CORO7: variants seen among roughly 807,000 people sequenced by gnomAD.
CORO7 encodes the protein coronin-7.
CORO7 carries 107 observed loss-of-function variants against 126.6 expected under a neutral mutation model. That is an observed-to-expected ratio of 0.85 (90% CI 0.72 to 0.99). The LOEUF is 0.99. Ranked by LOEUF, CORO7 falls within the 50% of genes least tolerant of loss-of-function variation. The probability of loss-of-function intolerance (pLI) is 0.00; values close to 1 mark genes in which losing one functional copy is unlikely to be tolerated. For missense variants in CORO7, 1,314 were observed against 1,255.8 expected, an observed-to-expected ratio of 1.05 and a Z score of -0.70; for synonymous variants, 603 against 536.8, an observed-to-expected ratio of 1.12 and a Z score of -1.70.
At chr16:4,355,199 G>C in intron 27 of CORO7, 36 bp from the exon 28 acceptor site, 1 of 1,574,392 alleles carries the variant, frequency 6.4e-7, no homozygotes, top group East Asian at 2.3e-5. Flanking sequence ...AGGGAGTCAG[G>C]AGGGCCTGGG....
At chr16:4,358,171 G>A in intron 24 of CORO7, 68 bp from the exon 25 acceptor site, 1 of 1,572,020 alleles carries the variant, frequency 6.4e-7, no homozygotes, top group Admixed American at 1.7e-5. Flanking sequence ...GCATCTGTTG[G>A]GGAGGGACAG....
chr16:4,392,205 A>G (rs1264515133), intron 7 of CORO7, among the ~76,000 whole-genome samples: 2 of 152,070 alleles, frequency 1.3e-5, no homozygotes, highest in East Asian at 1.9e-4. Context: ...TTCCCAGAAC[A>G]GCCTGGGCTC....
At chr16:4,373,363 C>A (rs923741822) in intron 9 of CORO7, among the ~76,000 whole-genome samples, 13 of 152,218 alleles carry the variant, frequency 8.5e-5, no homozygotes, top group African/African-American at 3.1e-4. Flanking sequence ...CCCCACCCCG[C>A]CCCTGTCTCC....
intron 9 of CORO7, among the ~76,000 whole-genome samples, chr16:4,370,583 T>C (rs891697204): frequency 1.3e-5 from 2 of 152,138 alleles, no homozygotes; most frequent in African/African-American, 2.4e-5. Context: ...CCCTAATCCA[T>C]GTAGACCGAG....
Position 4,362,244 on chromosome 16 carries a change from C to T in CORO7, c.1403-84G>A. 1 of 1,503,416 alleles carries T rather than the reference C, an allele frequency of 6.7e-7. No individual in the cohort carries two copies. The highest frequency in any genetic ancestry group is 8.9e-7 in the Non-Finnish European group (1 of 1,123,852). 93.1% of individuals were successfully genotyped at this position (1,503,416 alleles called of 1,614,324 possible). A position where few individuals can be genotyped will look rare whatever the true frequency, so the allele number is the denominator to read the frequency against. On this transcript the variant is annotated intron_variant, in intron 15 of 27. Transcript: ENST00000251166. The surrounding 1 kb of genome is among the most constrained non-coding windows in gnomAD (Gnocchi z 5.3). ...ACTCTTTGAGTCCCGGCTGCCCACT[C>T]CCCTCACCCCAGGTGGATGTACAGC...
chr16:4,368,056 T>TA (rs1055516084), intron 9 of CORO7, among the ~76,000 whole-genome samples: 65 of 151,938 alleles, frequency 4.3e-4, no homozygotes, highest in African/African-American at 1.5e-3. Flanking sequence ...AATTAAAAAT[T>TA]AAAAAATTAG....
chr16:4,367,432 C>T (rs554049845), intron 9 of CORO7, among the ~76,000 whole-genome samples: 13 of 152,354 alleles, frequency 8.5e-5, no homozygotes, highest in African/African-American at 3.1e-4. Context: ...GTGCCTGGTC[C>T]TCGGCTCGAC....
intron 22 of CORO7, 41 bp downstream of exon 22, chr16:4,359,439 A>G (rs1046586414): frequency 2.5e-6 from 4 of 1,613,124 alleles, no homozygotes; most frequent in Non-Finnish European, 3.4e-6. Flanking sequence ...CCTTCCCCCC[A>G]CCACCTCTCA....
At chr16:4,382,331 A>C (rs1444372377) in intron 9 of CORO7, 1 of 1,611,356 alleles carries the variant, frequency 6.2e-7, no homozygotes, top group Non-Finnish European at 8.5e-7. Context: ...CGCTACCTCC[A>C]GGGGAGCTCC....
At chr16:4,369,049 G>A (rs2054435680) in intron 9 of CORO7, among the ~76,000 whole-genome samples, 1 of 152,240 alleles carries the variant, frequency 6.6e-6, no homozygotes, top group African/African-American at 2.4e-5. Context: ...AGGAGGCCTG[G>A]TGCTCAGCCT....
intron 9 of CORO7, among the ~76,000 whole-genome samples, chr16:4,374,577 C>A (rs2054652285): frequency 6.6e-6 from 1 of 152,140 alleles, no homozygotes; most frequent in Non-Finnish European, 1.5e-5. Flanking sequence ...GCCGCTGGGG[C>A]CCCTGCTGGC....
At chr16:4,363,947 A>T (rs545582045) in intron 14 of CORO7, among the ~76,000 whole-genome samples, 1 of 151,498 alleles carries the variant, frequency 6.6e-6, no homozygotes, top group Non-Finnish European at 1.5e-5. Flanking sequence ...TGAACCCAAG[A>T]GGCGGAGATT....
At chr16:4,390,188 G>C (rs2055338354) in intron 7 of CORO7, among the ~76,000 whole-genome samples, 1 of 152,324 alleles carries the variant, frequency 6.6e-6, no homozygotes, top group South Asian at 2.1e-4. Context: ...AGGAAGCTCT[G>C]GAGGTGGACC....
chr16:4,390,308 A>G (rs529377305), intron 7 of CORO7, among the ~76,000 whole-genome samples: 1 of 151,728 alleles, frequency 6.6e-6, no homozygotes, highest in South Asian at 2.1e-4. Flanking sequence ...TTTTTTTTTA[A>G]CCTTTCCTAT....
chr16:4,363,043 A>T (rs950930219), intron 14 of CORO7: 13 of 302,582 alleles, frequency 4.3e-5, no homozygotes, highest in African/African-American at 6.5e-5. Context: ...TCTGTATGAA[A>T]ATTCTTGCTT....
intron 9 of CORO7, chr16:4,382,444 A>G (rs763842704): frequency 6.2e-7 from 1 of 1,609,750 alleles, no homozygotes; most frequent in East Asian, 2.2e-5. Context: ...GTACACGGTC[A>G]CCCAGCTGCG....
intron 9 of CORO7, among the ~76,000 whole-genome samples, chr16:4,371,498 C>G (rs1396849079): frequency 6.6e-6 from 1 of 152,230 alleles, no homozygotes; most frequent in South Asian, 2.1e-4. Flanking sequence ...CATCCTGCCT[C>G]TCCAGGGCCG....
Position 4,362,879 on chromosome 16 carries a change from C to T in CORO7, c.1276-141G>A, listed in dbSNP as rs920806365. The stretch of plus-strand genomic sequence containing the variant: ...CACTGTGGGCATGCGACAGGAGCGG[C>T]GGGGGGCACGGGCATAAACGCAGAC... On this transcript the variant is annotated intron_variant, in intron 14 of 27. Coordinates refer to ENST00000251166, the MANE Select transcript of CORO7 (RefSeq NM_024535.5). This position sits in a 1 kb window ranked among gnomAD's most constrained non-coding sequence, Gnocchi z 5.3. 52 of 986,740 alleles carry T rather than the reference C, an allele frequency of 5.3e-5. 1 individual carries two copies. Among genetic ancestry groups the T allele is most frequent in the Non-Finnish European group, 6.3e-5 (48 of 759,838 alleles). 61.1% of individuals were successfully genotyped at this position (986,740 alleles called of 1,614,324 possible).
intron 9 of CORO7, among the ~76,000 whole-genome samples, chr16:4,377,355 AGGGTGGGT>A (rs2054773944): frequency 6.6e-5 from 1 of 15,046 alleles, no homozygotes; most frequent in South Asian, 2.5e-3. Flanking sequence ...ACCGGGTGGG[AGGGTGGGT>A]GGGCGGCGGC....
Sources: allele counts gnomAD v4.1 joint callset (sites outside exome capture counted in the v4.1 genomes callset), GRCh38; gene constraint gnomAD v4.1.1; non-coding constraint Gnocchi (gnomAD v3.1); transcripts MANE v1.5; gene names NCBI Gene and HGNC (gene_info 2026-07-23, HGNC 2026-07-21).